KIRREL3: variants seen among roughly 807,000 people sequenced by gnomAD.
KIRREL3 encodes kirre like nephrin family adhesion molecule 3.
KIRREL3 carries 36 observed loss-of-function variants against 89.7 expected under a neutral mutation model. That is an observed-to-expected ratio of 0.40 (90% confidence interval 0.31 to 0.53). The LOEUF (loss-of-function observed/expected upper bound fraction) is 0.53, where lower values mean the gene tolerates loss of function less well. Among genes scored for constraint, KIRREL3 ranks in the 20% least tolerant of loss-of-function variants. The pLI, the probability that KIRREL3 is intolerant of heterozygous loss-of-function variation, is 0.49. For missense variants in KIRREL3, 864 were observed against 1,056.6 expected, an observed-to-expected ratio of 0.82 and a Z score of 2.53; for synonymous variants, 445 against 441.4, an observed-to-expected ratio of 1.01 and a Z score of -0.10.
Position 126,431,869 on chromosome 11 carries a change from T to G in KIRREL3, c.1589-343A>C, listed in dbSNP as rs1363183247. Among the ~76,000 whole-genome samples the G allele has an allele frequency of 6.6e-6, 1 of 151,996 alleles. No individual in the cohort carries two copies. Among genetic ancestry groups the G allele is most frequent in the Non-Finnish European group, 1.5e-5 (1 of 67,984 alleles). ...AGGGGTGGGGCTGGCACGATGGAGC[T>G]CTCTCTGGCATTAAACAGGAATGCT... On this transcript the variant is annotated intron_variant, in intron 13 of 16. Transcript: ENST00000525144. The surrounding 1 kb of genome is among the most constrained non-coding windows in gnomAD (Gnocchi z 7.1).
intron 1 of KIRREL3, among the ~76,000 whole-genome samples, chr11:126,678,599 C>CAAAAAAAAAAAAAAAAAAAAAAA (rs59342253): frequency 2.0e-5 from 1 of 50,046 alleles, no homozygotes; most frequent in African/African-American, 8.2e-5. Context: ...GACTCTGTCT[C>CAAAAAAAAAAAAAAAAAAAAAAA]AAAAAAAAAA....
Position 126,676,483 on chromosome 11 carries a change from C to T in KIRREL3, c.56-113571G>A, listed in dbSNP as rs1946193767. Among the ~76,000 whole-genome samples, 1 of 152,162 alleles carries T rather than the reference C, an allele frequency of 6.6e-6. No individual in the cohort carries two copies. Among genetic ancestry groups the T allele is most frequent in the Admixed American group, 6.5e-5 (1 of 15,276 alleles). On this transcript the variant is annotated intron_variant, in intron 1 of 16. Transcript: ENST00000525144. This position sits in a 1 kb window ranked among gnomAD's most constrained non-coding sequence, Gnocchi z 4.5. ...TGAGGCTGTTCTTTGACCAGTGTTT[C>T]TCAAATTTGCACCTGCAGATGTTGT... is the stretch of plus-strand genomic sequence containing the variant.
Position 126,877,388 on chromosome 11 carries a change from G to A in KIRREL3, c.55+123067C>T, listed in dbSNP as rs548662336. Among the ~76,000 whole-genome samples, 10 of 152,286 alleles carry A rather than the reference G, an allele frequency of 6.6e-5. No individual in the cohort carries two copies. The highest frequency in any genetic ancestry group is 6.2e-4 in the South Asian group (3 of 4,820). The stretch of plus-strand genomic sequence containing the variant: ...GGTTGGGCAGGGTTTGGTCAGTAAC[G>A]GGGCAGAGGAAGTAGATCATTTGGT... On this transcript the variant is annotated intron_variant, in intron 1 of 16. Transcript: ENST00000525144. This position sits in a 1 kb window ranked among gnomAD's most constrained non-coding sequence, Gnocchi z 4.9.
intron 1 of KIRREL3, among the ~76,000 whole-genome samples, chr11:126,881,417 T>C (rs745902880): frequency 5.5e-5 from 5 of 90,262 alleles, no homozygotes; most frequent in African/African-American, 3.0e-4. Flanking sequence ...CTGGCCTGGT[T>C]TAATCAGTCA....
At chr11:126,488,401 G>A (rs1015195258) in intron 4 of KIRREL3, among the ~76,000 whole-genome samples, 1 of 152,232 alleles carries the variant, frequency 6.6e-6, no homozygotes, top group African/African-American at 2.4e-5. Context: ...CCTGTAAAGT[G>A]GAGCTAATAT....
At position 126,771,537 on chromosome 11, in the gene KIRREL3, G is replaced by T. The variant is rs1172963792; in HGVS notation, c.56-208625C>A. Among the ~76,000 whole-genome samples the T allele has an allele frequency of 3.9e-5, 6 of 152,154 alleles. No individual in the cohort carries two copies. The highest frequency in any genetic ancestry group is 8.8e-5 in the Non-Finnish European group (6 of 68,028). The stretch of plus-strand genomic sequence containing the variant: ...ATAATCACAATTTTTGCCATTAAAA[G>T]TAACAGCAAAACCTGCAATTACTTT... On this transcript the variant is annotated intron_variant, in intron 1 of 16. Coordinates refer to ENST00000525144, the MANE Select transcript of KIRREL3 (RefSeq NM_032531.4). The surrounding 1 kb of genome is among the most constrained non-coding windows in gnomAD (Gnocchi z 4.4).
rs1316827681 is a variant in KIRREL3 at position 127,000,598 on chromosome 11, G to A, written c.-89C>T. 1 of 1,377,384 alleles carries A rather than the reference G, an allele frequency of 7.3e-7. No homozygotes were observed. The highest frequency in any genetic ancestry group is 1.0e-6 in the Non-Finnish European group (1 of 998,444). The allele number at this position is 1,377,384 out of a possible 1,614,324, so 85.3% of individuals were successfully genotyped here. On this transcript the variant is annotated 5_prime_UTR_variant, in exon 1 of 17. Coordinates refer to ENST00000525144, the MANE Select transcript of KIRREL3 (RefSeq NM_032531.4). The surrounding 1 kb of genome is among the most constrained non-coding windows in gnomAD (Gnocchi z 7.1). ...CGGCTCTCGGTGCTCAGCCTCCGCC[G>A]GTCCTCTCGGGTTCGCGCCTACCAT...
intron 1 of KIRREL3, among the ~76,000 whole-genome samples, chr11:126,855,993 G>A (rs1944493841): frequency 6.6e-6 from 1 of 152,184 alleles, no homozygotes; most frequent in Admixed American, 6.5e-5. Context: ...GGACACTGGA[G>A]AGCCCCATCT....
chr11:126,457,185 A>G (rs909360969), intron 6 of KIRREL3, among the ~76,000 whole-genome samples: 17 of 143,026 alleles, frequency 1.2e-4, no homozygotes, highest in Admixed American at 2.1e-4. Context: ...AAGAGAGATT[A>G]TGTGTGTGTG....
At position 126,456,440 on chromosome 11, in the gene KIRREL3, T is replaced by C. The variant is rs766538066; in HGVS notation, c.757A>G (p.Asn253Asp). The change falls in exon 7 of 17, where the codon AAC becomes GAC. Residue 253 changes from asparagine to aspartate, a missense_variant. By Grantham distance (23) the Asn-to-Asp change is conservative. Coordinates refer to ENST00000525144, the MANE Select transcript of KIRREL3 (RefSeq NM_032531.4). ...TIDIQHPPLVNLSVEPQPVLE... is the reference protein window; with the variant it reads ...TIDIQHPPLVDLSVEPQPVLE... ...ACTGGCTGTGGCTCCACCGAGAGGT[T>C]GACCAGTGGAGGGTCTGCAGGGAGA... 5 of 1,579,918 alleles carry C rather than the reference T, an allele frequency of 3.2e-6. No individual in the cohort carries two copies. In the African/African-American group the frequency reaches 6.8e-5, roughly 21 times the overall value.
At chr11:126,859,333 C>G (rs1284456662) in intron 1 of KIRREL3, among the ~76,000 whole-genome samples, 1 of 152,200 alleles carries the variant, frequency 6.6e-6, no homozygotes, top group Non-Finnish European at 1.5e-5. Flanking sequence ...GAGGAGGAAA[C>G]TGACACATGG....
rs12792250 is a variant in KIRREL3 at position 126,443,615 on chromosome 11, G to C, written c.1252+1364C>G. On this transcript the variant is annotated intron_variant, in intron 10 of 16. Transcript: ENST00000525144. The surrounding 1 kb of genome is among the most constrained non-coding windows in gnomAD (Gnocchi z 7.3). ...GAGGAATGGAAATGCGGGGCAGTGT[G>C]GGGGGAGCTGGTGAATGGAGACAGT... Among the ~76,000 whole-genome samples, 53,899 of 151,514 alleles carry C rather than the reference G, an allele frequency of 0.36. 10,004 individuals are homozygous for C. Among genetic ancestry groups the C allele is most frequent in the Middle Eastern group, 0.46 (135 of 294 alleles).
chr11:126,910,510 C>T (rs1196716879), intron 1 of KIRREL3, among the ~76,000 whole-genome samples: 1 of 152,172 alleles, frequency 6.6e-6, no homozygotes, highest in Non-Finnish European at 1.5e-5. Flanking sequence ...AGTGAAGAGG[C>T]TGGCTACTAT....
chr11:126,777,163 A>AT (rs1175275411), intron 1 of KIRREL3, among the ~76,000 whole-genome samples: 1 of 152,032 alleles, frequency 6.6e-6, no homozygotes, highest in Non-Finnish European at 1.5e-5. Flanking sequence ...ATGCCTGGGG[A>AT]TTTTTTTGAT....
chr11:126,946,303 C>T lies in KIRREL3; in HGVS notation c.55+54152G>A, dbSNP rs1487014034. Among the ~76,000 whole-genome samples the T allele has an allele frequency of 6.6e-6, 1 of 152,180 alleles. No individual in the cohort carries two copies. Among genetic ancestry groups the T allele is most frequent in the Non-Finnish European group, 1.5e-5 (1 of 68,038 alleles). The stretch of plus-strand genomic sequence containing the variant: ...TCTGCTACTAGCCAGCCACTCTTGT[C>T]ATCTGGAAGGGAAGATTTGGTTGCT... On this transcript the variant is annotated intron_variant, in intron 1 of 16. Coordinates refer to ENST00000525144, the MANE Select transcript of KIRREL3 (RefSeq NM_032531.4). This position sits in a 1 kb window ranked among gnomAD's most constrained non-coding sequence, Gnocchi z 4.1.
At chr11:126,488,034 A>G (rs997312190) in intron 4 of KIRREL3, among the ~76,000 whole-genome samples, 7 of 152,208 alleles carry the variant, frequency 4.6e-5, no homozygotes, top group African/African-American at 1.7e-4. Context: ...TTGAGGTGGG[A>G]TGGGGCTGGT....
intron 1 of KIRREL3, among the ~76,000 whole-genome samples, chr11:126,859,673 C>T (rs969138951): frequency 3.9e-5 from 6 of 152,228 alleles, no homozygotes; most frequent in Non-Finnish European, 8.8e-5. Context: ...GGTAAAACTA[C>T]ACCTCAACTG....
At position 126,686,155 on chromosome 11, in the gene KIRREL3, C is replaced by T. The variant is rs1440802193; in HGVS notation, c.56-123243G>A. On this transcript the variant is annotated intron_variant, in intron 1 of 16. Transcript: ENST00000525144. The surrounding 1 kb of genome is among the most constrained non-coding windows in gnomAD (Gnocchi z 4.7). ...GTCCGAGTTACTGGCAGGGTCTCTG[C>T]GTTCTGCCTTTGTGTTGAGCTTCTC... Among the ~76,000 whole-genome samples the T allele has an allele frequency of 6.6e-6, 1 of 152,172 alleles. No individual in the cohort carries two copies. Among genetic ancestry groups the T allele is most frequent in the Non-Finnish European group, 1.5e-5 (1 of 68,030 alleles).
Position 126,796,096 on chromosome 11 carries a change from G to A in KIRREL3, c.55+204359C>T, listed in dbSNP as rs758853696. On this transcript the variant is annotated intron_variant, in intron 1 of 16. Transcript: ENST00000525144. This position sits in a 1 kb window ranked among gnomAD's most constrained non-coding sequence, Gnocchi z 5.1. ...AATGGGACACGTTTTTATCCATGGG[G>A]TCCATGGATCTTATTTTAGTTTTGC... 1.2e-4 allele frequency among the ~76,000 whole-genome samples: 18 copies of A among 152,034 alleles called. No homozygotes were observed. The highest frequency in any genetic ancestry group is 2.6e-4 in the Non-Finnish European group (18 of 67,990).
Sources: gnomAD v4.1 joint callset for allele counts (sites outside exome capture counted in the v4.1 genomes callset) on GRCh38, gnomAD v4.1.1 for gene constraint, Gnocchi (gnomAD v3.1) non-coding constraint, MANE v1.5 for transcripts, NCBI Gene and HGNC (gene_info 2026-07-23, HGNC 2026-07-21) for gene names.